FRMD5: variants seen among roughly 807,000 people sequenced by gnomAD.
FRMD5 encodes FERM domain-containing protein 5.
In FRMD5, 20 loss-of-function variants were observed where a neutral mutation model predicts 69.0. The ratio of observed to expected loss-of-function variants is 0.29; its 90% CI spans 0.20 to 0.42. FRMD5 has a LOEUF of 0.42. FRMD5 is among the 10% of genes least tolerant of loss of function. FRMD5 has a pLI of 1.00. For missense variants in FRMD5, 595 were observed against 708.6 expected (o/e 0.84, Z 1.82); for synonymous variants, 271 against 260.1 (o/e 1.04, Z -0.40).
intron 1 of FRMD5, among the ~76,000 whole-genome samples, chr15:44,006,268 G>A (rs918357406): frequency 6.6e-6 from 1 of 152,016 alleles, no homozygotes; most frequent in Admixed American, 6.6e-5. Flanking sequence ...TTACAGCATG[G>A]TTTACAGAAT....
At chr15:44,137,541 G>A (rs1042395946) in intron 1 of FRMD5, among the ~76,000 whole-genome samples, 1 of 152,114 alleles carries the variant, frequency 6.6e-6, no homozygotes, top group Non-Finnish European at 1.5e-5. Flanking sequence ...TAGAGGTAAG[G>A]AAGCCTAACT....
intron 1 of FRMD5, among the ~76,000 whole-genome samples, chr15:43,984,405 G>T (rs1278654063): frequency 6.6e-6 from 1 of 152,210 alleles, no homozygotes; most frequent in Non-Finnish European, 1.5e-5. Context: ...GTGGACAGCA[G>T]CTTAGGCACC....
intron 1 of FRMD5, among the ~76,000 whole-genome samples, chr15:43,974,963 C>T (rs2090441607): frequency 6.6e-6 from 1 of 152,188 alleles, no homozygotes; most frequent in Non-Finnish European, 1.5e-5. Context: ...TGCCTGTTGG[C>T]TCAAAGGTGA....
chr15:43,875,626 T>TGCCA (rs1412460827), intron 13 of FRMD5, among the ~76,000 whole-genome samples: 51 of 151,042 alleles, frequency 3.4e-4, no homozygotes, highest in Non-Finnish European at 3.1e-4. Context: ...TACAGGTGTC[T>TGCCA]GCCACCACAC....
At position 43,884,468 on chromosome 15, in the gene FRMD5, G is replaced by A. The variant is rs192484537; in HGVS notation, c.1028+259C>T. Among the ~76,000 whole-genome samples, 6 of 152,282 alleles carry A rather than the reference G, an allele frequency of 3.9e-5. No individual in the cohort carries two copies. In the East Asian group the frequency reaches 1.2e-3, roughly 29 times the overall value. On this transcript the variant is annotated intron_variant, in intron 12 of 13. Transcript: ENST00000417257. ...ATCTATGATCAGTGTCAAGACTAGG[G>A]AGGGCAGAAGAGAATTGCCAAGTGA...
Position 43,902,214 on chromosome 15 carries a change from C to T in FRMD5, c.600G>A (p.Gln200=), listed in dbSNP as rs2089063655. The change falls in exon 7 of 14, where the codon CAG becomes CAA. Residue 200 remains glutamine, a synonymous_variant. Coordinates refer to ENST00000417257, the MANE Select transcript of FRMD5 (RefSeq NM_032892.5). ...GATCCACTCCATATGTTTCCAATGT[C>T]TGTGCTTTTCTTAAGAAGTTCAGCT... is the stretch of plus-strand genomic sequence containing the variant. ...TSELNFLRKA[Q]TLETYGVDPH... 1 of 1,614,156 alleles carries T rather than the reference C, an allele frequency of 6.2e-7. No individual in the cohort carries two copies. The highest frequency in any genetic ancestry group is 8.5e-7 in the Non-Finnish European group (1 of 1,180,012).
At chr15:44,084,470 C>A (rs535302526) in intron 1 of FRMD5, among the ~76,000 whole-genome samples, 1 of 152,190 alleles carries the variant, frequency 6.6e-6, no homozygotes, top group African/African-American at 2.4e-5. Context: ...ACTTTATTTT[C>A]AACTAATGCC....
chr15:43,927,106 G>A (rs1166821956), intron 1 of FRMD5, among the ~76,000 whole-genome samples: 3 of 151,920 alleles, frequency 2.0e-5, no homozygotes, highest in Non-Finnish European at 4.4e-5. Context: ...GTATGCCTAC[G>A]CTCCCTTTTC....
chr15:43,931,416 C>A (rs565531823), intron 1 of FRMD5, among the ~76,000 whole-genome samples: 12 of 151,954 alleles, frequency 7.9e-5, no homozygotes, highest in Non-Finnish European at 1.8e-4. Flanking sequence ...CACACTTATA[C>A]CCCCCGATCC....
chr15:44,171,839 C>T (rs960896600), intron 1 of FRMD5, among the ~76,000 whole-genome samples: 5 of 152,204 alleles, frequency 3.3e-5, no homozygotes, highest in African/African-American at 1.2e-4. Flanking sequence ...TCTAGGCTCA[C>T]TGTAACTTCT....
At position 43,905,964 on chromosome 15, in the gene FRMD5, A is replaced by G. The variant is rs376628540; in HGVS notation, c.428-13T>C. The G allele has an allele frequency of 1.2e-6, 2 of 1,614,190 alleles. No homozygotes were observed. The highest frequency in any genetic ancestry group is 2.7e-5 in the African/African-American group (2 of 75,068). On this transcript the variant is annotated splice_polypyrimidine_tract_variant and intron_variant, in intron 5 of 13. Coordinates refer to ENST00000417257, the MANE Select transcript of FRMD5 (RefSeq NM_032892.5). The stretch of plus-strand genomic sequence containing the variant: ...TCCCCAATCTCCGCTTTCAAAAGGA[A>G]GGTGGAAGAAAACAATTGTGGAGAC...
At chr15:44,129,762 C>A (rs2077072805) in intron 1 of FRMD5, among the ~76,000 whole-genome samples, 1 of 152,070 alleles carries the variant, frequency 6.6e-6, no homozygotes, top group South Asian at 2.1e-4. Flanking sequence ...GAAGGAAGAG[C>A]CTTTTCCTCT....
At chr15:43,953,428 C>T (rs1354600354) in intron 1 of FRMD5, among the ~76,000 whole-genome samples, 2 of 152,160 alleles carry the variant, frequency 1.3e-5, no homozygotes, top group African/African-American at 4.8e-5. Context: ...AAGCAAGCAT[C>T]ACTCCTACTC....
intron 2 of FRMD5, among the ~76,000 whole-genome samples, chr15:43,922,433 G>T (rs1333830447): frequency 6.6e-6 from 1 of 152,174 alleles, no homozygotes; most frequent in African/African-American, 2.4e-5. Flanking sequence ...TGTGTGCAGC[G>T]CAGAGCCTGG....
chr15:43,916,670 A>G (rs910018190), intron 4 of FRMD5, among the ~76,000 whole-genome samples: 8 of 152,206 alleles, frequency 5.3e-5, no homozygotes, highest in Non-Finnish European at 1.0e-4. Flanking sequence ...GGCTGTATAC[A>G]GCCAACAAGT....
chr15:44,041,992 A>G (rs1892216980), intron 1 of FRMD5, among the ~76,000 whole-genome samples: 1 of 152,204 alleles, frequency 6.6e-6, no homozygotes, highest in Non-Finnish European at 1.5e-5. Flanking sequence ...TGAATCCAAG[A>G]GCTGGTTTTC....
intron 1 of FRMD5, among the ~76,000 whole-genome samples, chr15:44,165,888 T>C (rs2077701007): frequency 6.6e-6 from 1 of 152,202 alleles, no homozygotes; most frequent in African/African-American, 2.4e-5. Context: ...AGCCTCTGAG[T>C]ATTAAAAGAG....
intron 13 of FRMD5, among the ~76,000 whole-genome samples, chr15:43,877,298 T>G (rs1469184949): frequency 3.9e-5 from 6 of 152,214 alleles, no homozygotes; most frequent in African/African-American, 1.4e-4. Context: ...ATTAGGGAGT[T>G]TTTTGGTTCA....
intron 1 of FRMD5, among the ~76,000 whole-genome samples, chr15:44,083,939 A>G (rs1894091973): frequency 6.6e-6 from 1 of 152,050 alleles, no homozygotes; most frequent in Non-Finnish European, 1.5e-5. Flanking sequence ...TATCCTGAAC[A>G]TACCTACCTT....
Sources: gnomAD v4.1 joint callset for allele counts (sites outside exome capture counted in the v4.1 genomes callset) on GRCh38, gnomAD v4.1.1 for gene constraint, MANE v1.5 for transcripts, NCBI Gene and HGNC (gene_info 2026-07-23, HGNC 2026-07-21) for gene names.